Variants in TTC27 observed in about 807,000 individuals in gnomAD.
The protein encoded by TTC27 is tetratricopeptide repeat domain 27, also known as tetratricopeptide repeat protein 27.
A neutral mutation model predicts 115.9 loss-of-function variants in TTC27; 79 were observed. The observed-to-expected ratio is 0.68, with a 90% CI of 0.57 to 0.82. The LOEUF (loss-of-function observed/expected upper bound fraction) is 0.82. TTC27 is among the 40% of genes least tolerant of loss of function. TTC27 has a pLI of 0.00. For synonymous variants in TTC27, 401 were observed against 356.0 expected, an observed-to-expected ratio of 1.13 and a Z score of -1.42; for missense variants, 1,054 against 993.1, an observed-to-expected ratio of 1.06 and a Z score of -0.82.
At chr2:32,643,568 A>T (rs1664736484) in intron 4 of TTC27, among the ~76,000 whole-genome samples, 2 of 151,802 alleles carry the variant, frequency 1.3e-5, no homozygotes, top group Non-Finnish European at 2.9e-5. Context: ...TGGCCTTCCA[A>T]AGTGCTAGGA....
chr2:32,670,157 C>T (rs1665959105), intron 7 of TTC27, among the ~76,000 whole-genome samples: 1 of 151,968 alleles, frequency 6.6e-6, no homozygotes, highest in Admixed American at 6.6e-5. Context: ...GGATTACAGG[C>T]ATGAGCCACC....
intron 13 of TTC27, among the ~76,000 whole-genome samples, chr2:32,765,094 G>A (rs1221577783): frequency 6.6e-6 from 1 of 152,188 alleles, no homozygotes; most frequent in Non-Finnish European, 1.5e-5. Flanking sequence ...GTGAACATTA[G>A]AATGGTGAAT....
chr2:32,691,910 G>A (rs1666824850), intron 9 of TTC27, among the ~76,000 whole-genome samples: 1 of 151,824 alleles, frequency 6.6e-6, no homozygotes, highest in African/African-American at 2.4e-5. Flanking sequence ...GTGGTTTCTG[G>A]CCTTTGTTTT....
At position 32,640,380 on chromosome 2, in the gene TTC27, G is replaced by A; in HGVS notation, c.507G>A (p.Val169=). Residue 169 remains valine, a synonymous_variant, in exon 4 of 20, where the codon GTG becomes GTA. Transcript: ENST00000317907. The part of the protein sequence containing the change: ...ILLLLARIIL[V]NVRHKLTAIQ... ...TGTTATTAGCACGCATTATCCTAGT[G>A]AATGTAAGACATAAACTGACAGCTA... 6.2e-7 allele frequency: 1 copy of A among 1,613,876 alleles called. No individual in the cohort carries two copies. Among genetic ancestry groups the A allele is most frequent in the Non-Finnish European group, 8.5e-7 (1 of 1,179,968 alleles).
At chr2:32,810,546 G>A (rs1284160826) in intron 16 of TTC27, among the ~76,000 whole-genome samples, 1 of 152,182 alleles carries the variant, frequency 6.6e-6, no homozygotes, top group Non-Finnish European at 1.5e-5. Context: ...ACAGGAAGAA[G>A]ATCAATTTGA....
Position 32,821,015 on chromosome 2 carries a change from A to G in TTC27, c.*77A>G, listed in dbSNP as rs193287079. The stretch of plus-strand genomic sequence containing the variant: ...TACATCTGTATATCTGAAATGCAAG[A>G]TATTGATTTTTAAAATAAATTTGTT... On this transcript the variant is annotated 3_prime_UTR_variant, in exon 20 of 20. Transcript: ENST00000317907. The G allele has an allele frequency of 3.9e-6, 5 of 1,275,574 alleles. No individual in the cohort carries two copies. The East Asian group carries it at 1.4e-4, about 37-fold the overall frequency. The allele number at this position is 1,275,574 out of a possible 1,614,324, so 79.0% of individuals were successfully genotyped here. A position where few individuals can be genotyped will look rare whatever the true frequency, so the allele number is the denominator to read the frequency against.
intron 9 of TTC27, among the ~76,000 whole-genome samples, chr2:32,691,821 C>T (rs992745034): frequency 5.9e-5 from 9 of 151,608 alleles, no homozygotes; most frequent in African/African-American, 2.2e-4. Flanking sequence ...CAATGAGTCA[C>T]CTTTTATAGA....
chr2:32,790,191 G>C (rs1670487157), intron 16 of TTC27, among the ~76,000 whole-genome samples: 1 of 151,816 alleles, frequency 6.6e-6, no homozygotes, highest in Admixed American at 6.6e-5. Context: ...TAGCAAAATT[G>C]TGTTCTGATT....
intron 9 of TTC27, among the ~76,000 whole-genome samples, chr2:32,702,277 G>A (rs997774877): frequency 4.6e-5 from 7 of 151,964 alleles, no homozygotes; most frequent in Admixed American, 2.0e-4. Context: ...GAAAGTAATT[G>A]TTGTAAATGA....
intron 12 of TTC27, among the ~76,000 whole-genome samples, chr2:32,743,551 A>G (rs966503298): frequency 1.3e-5 from 2 of 152,200 alleles, no homozygotes; most frequent in African/African-American, 4.8e-5. Context: ...CAGGTTTTCA[A>G]TATATTAGTT....
chr2:32,736,759 G>A lies in TTC27; in HGVS notation c.1395G>A (p.Lys465=), dbSNP rs1363608160. Residue 465 remains lysine, a synonymous_variant, in exon 12 of 20, where the codon AAG becomes AAA. Coordinates refer to ENST00000317907, the MANE Select transcript of TTC27 (RefSeq NM_017735.5). ...GTTCAGCCCTTCAGATATTTGAAAA[G>A]CTAGAAATGTGGGAAGATGTTGTCA... The part of the protein sequence containing the change: ...CTSSALQIFE[K]LEMWEDVVIC... The A allele has an allele frequency of 4.3e-6, 7 of 1,613,922 alleles. No homozygotes were observed. The highest frequency in any genetic ancestry group is 1.3e-5 in the African/African-American group (1 of 74,900).
rs73922789 is a variant in TTC27 at position 32,707,924 on chromosome 2, A to G, written c.1233+5004A>G. Among the ~76,000 whole-genome samples the G allele has an allele frequency of 3.3e-3, 500 of 152,196 alleles. 3 individuals carry two copies. Among genetic ancestry groups the G allele is most frequent in the African/African-American group, 0.012 (480 of 41,534 alleles). ...GGGCAGGGAAAATGATGAGCCTGGA[A>G]CATCTTGTAGTGCCAGGAAGTAAGG... is the stretch of plus-strand genomic sequence containing the variant. On this transcript the variant is annotated intron_variant, in intron 10 of 19. Transcript: ENST00000317907.
chr2:32,756,526 A>G (rs1669237943), intron 12 of TTC27, among the ~76,000 whole-genome samples: 1 of 152,246 alleles, frequency 6.6e-6, no homozygotes, highest in African/African-American at 2.4e-5. Context: ...AAAAGCATAC[A>G]CAACCTGAAC....
intron 12 of TTC27, among the ~76,000 whole-genome samples, chr2:32,752,321 G>A (rs1572576738): frequency 6.6e-6 from 1 of 152,216 alleles, no homozygotes; most frequent in East Asian, 1.9e-4. Flanking sequence ...GGTTGCAAGT[G>A]ATAAATTAAC....
intron 7 of TTC27, among the ~76,000 whole-genome samples, chr2:32,668,556 C>CCCTCCCTCCCTCCCTTCCTT (rs1665880403): frequency 9.8e-5 from 1 of 10,210 alleles, no homozygotes; most frequent in Non-Finnish European, 2.6e-4. Context: ...CTCCCTCCCT[C>CCCTCCCTCCCTCCCTTCCTT]CCTCCCTTCC....
At chr2:32,648,246 A>G (rs1375900822) in intron 4 of TTC27, among the ~76,000 whole-genome samples, 1 of 150,524 alleles carries the variant, frequency 6.6e-6, no homozygotes, top group East Asian at 1.9e-4. Context: ...TCCTGCTTCA[A>G]CCTCCCGAGT....
intron 12 of TTC27, among the ~76,000 whole-genome samples, chr2:32,741,196 T>C (rs1426799397): frequency 6.6e-6 from 1 of 152,250 alleles, no homozygotes; most frequent in Non-Finnish European, 1.5e-5. Flanking sequence ...CTTTAGGAGA[T>C]TGCTTTCTAC....
intron 8 of TTC27, among the ~76,000 whole-genome samples, chr2:32,673,766 G>A (rs932046989): frequency 9.9e-5 from 15 of 152,066 alleles, no homozygotes; most frequent in Admixed American, 5.2e-4. Context: ...AAGCCGAAGC[G>A]GATGGATCAC....
intron 9 of TTC27, among the ~76,000 whole-genome samples, chr2:32,679,178 G>A (rs17012057): frequency 1.3e-5 from 2 of 152,160 alleles, no homozygotes; most frequent in East Asian, 1.9e-4. Flanking sequence ...GAGACCATGG[G>A]TTAAAAAGAT....
Sources: gnomAD v4.1 joint callset for allele counts (sites outside exome capture counted in the v4.1 genomes callset) on GRCh38, gnomAD v4.1.1 for gene constraint, MANE v1.5 for transcripts, NCBI Gene and HGNC (gene_info 2026-07-23, HGNC 2026-07-21) for gene names.